The following EPHB1 variants were observed in gnomAD, a reference collection of about 807,000 sequenced individuals.
EPHB1 encodes ephrin type-B receptor 1.
EPHB1 carries 30 observed loss-of-function variants against 94.4 expected under a neutral mutation model. That is an observed-to-expected ratio of 0.32 (90% CI 0.24 to 0.43). The LOEUF (loss-of-function observed/expected upper bound fraction) is 0.43. Ranked by LOEUF, EPHB1 falls within the 20% of genes least tolerant of loss-of-function variation. The pLI is 1.00. For missense variants in EPHB1, 1,055 were observed against 1,308.3 expected, an observed-to-expected ratio of 0.81 and a Z score of 2.99; for synonymous variants, 522 against 489.1, an observed-to-expected ratio of 1.07 and a Z score of -0.89.
intron 4 of EPHB1, among the ~76,000 whole-genome samples, chr3:135,113,198 T>G (rs1939532343): frequency 6.6e-6 from 1 of 152,200 alleles, no homozygotes; most frequent in Admixed American, 6.5e-5. Flanking sequence ...TCTATACATC[T>G]GGATGCAAAA....
At chr3:134,835,833 T>A (rs2036665434) in intron 1 of EPHB1, among the ~76,000 whole-genome samples, 1 of 152,168 alleles carries the variant, frequency 6.6e-6, no homozygotes. Flanking sequence ...TGACCCCACA[T>A]TGTCATTTCC....
chr3:134,807,681 G>A (rs902471895), intron 1 of EPHB1, among the ~76,000 whole-genome samples: 2 of 152,100 alleles, frequency 1.3e-5, no homozygotes, highest in Admixed American at 1.3e-4. Flanking sequence ...CAAGGTCCCA[G>A]CAGAAAACAG....
chr3:135,061,986 C>T (rs929394834), intron 3 of EPHB1, among the ~76,000 whole-genome samples: 4 of 152,114 alleles, frequency 2.6e-5, no homozygotes, highest in African/African-American at 7.2e-5. Flanking sequence ...TTTTCTTAAC[C>T]CAGTCTATCA....
In EPHB1 at chr3:134,956,666, G is replaced by A. The variant is rs962190770; in HGVS notation, c.805+4614G>A. 5.9e-5 allele frequency among the ~76,000 whole-genome samples: 9 copies of A among 152,230 alleles called. No homozygotes were observed. The East Asian group carries it at 7.8e-4, about 13-fold the overall frequency. Reference sequence around the variant, plus strand: ...GCTGCAAACTTGCTACGTGGTTTTAGGTAAGTCCCTTTTCATTGACAGTCA... The same window carrying A: ...GCTGCAAACTTGCTACGTGGTTTTAAGTAAGTCCCTTTTCATTGACAGTCA... On this transcript the variant is annotated intron_variant, in intron 3 of 15. Coordinates refer to ENST00000398015, the MANE Select transcript of EPHB1 (RefSeq NM_004441.5).
intron 1 of EPHB1, among the ~76,000 whole-genome samples, chr3:134,840,219 T>C (rs2036751232): frequency 6.6e-6 from 1 of 152,174 alleles, no homozygotes; most frequent in Non-Finnish European, 1.5e-5. Context: ...GGGCTTTGCC[T>C]GTAGTAGACA....
intron 3 of EPHB1, among the ~76,000 whole-genome samples, chr3:135,079,337 C>G (rs1016160055): frequency 1.3e-5 from 2 of 152,158 alleles, no homozygotes; most frequent in Non-Finnish European, 2.9e-5. Context: ...TATGAGGAGA[C>G]TTCTGCCTTC....
At chr3:135,247,328 C>G (rs565546659) in intron 13 of EPHB1, among the ~76,000 whole-genome samples, 1 of 152,276 alleles carries the variant, frequency 6.6e-6, no homozygotes, top group African/African-American at 2.4e-5. Flanking sequence ...GCAGCCAGCT[C>G]TTTTACCTGT....
At chr3:134,876,381 A>G (rs2037617024) in intron 1 of EPHB1, among the ~76,000 whole-genome samples, 1 of 152,182 alleles carries the variant, frequency 6.6e-6, no homozygotes, top group Non-Finnish European at 1.5e-5. Context: ...TGGAAATTCA[A>G]CTCAAAACAG....
intron 1 of EPHB1, among the ~76,000 whole-genome samples, chr3:134,816,895 C>G (rs1323743240): frequency 1.3e-5 from 2 of 152,030 alleles, no homozygotes; most frequent in Non-Finnish European, 1.5e-5. Flanking sequence ...GGGGCACTCA[C>G]CCTCAGTGTG....
intron 1 of EPHB1, among the ~76,000 whole-genome samples, chr3:134,891,130 G>A (rs2037973880): frequency 2.0e-5 from 3 of 152,046 alleles, no homozygotes; most frequent in African/African-American, 7.2e-5. Context: ...TTTTAAGACA[G>A]GGTCTTACTG....
At chr3:134,858,200 C>A (rs2037166182) in intron 1 of EPHB1, among the ~76,000 whole-genome samples, 1 of 150,572 alleles carries the variant, frequency 6.6e-6, no homozygotes, top group African/African-American at 2.5e-5. Flanking sequence ...ATCATCATCT[C>A]TGTTATCTCC....
chr3:134,820,735 C>T (rs1405698222), intron 1 of EPHB1, among the ~76,000 whole-genome samples: 1 of 152,164 alleles, frequency 6.6e-6, no homozygotes, highest in Non-Finnish European at 1.5e-5. Context: ...TTTCTCTTTT[C>T]TTGGAACTCT....
chr3:135,114,116 A>G (rs1258888401), intron 4 of EPHB1, among the ~76,000 whole-genome samples: 1 of 152,198 alleles, frequency 6.6e-6, no homozygotes, highest in East Asian at 1.9e-4. Context: ...GGTCTCCCCT[A>G]TGTGCACTTA....
chr3:135,092,341 G>C (rs188321029), intron 3 of EPHB1, among the ~76,000 whole-genome samples: 2 of 152,154 alleles, frequency 1.3e-5, no homozygotes, highest in Non-Finnish European at 2.9e-5. Flanking sequence ...CAGGGGCCCC[G>C]TGAAGCATCT....
At chr3:134,966,504 A>G (rs1462313812) in intron 3 of EPHB1, among the ~76,000 whole-genome samples, 1 of 152,226 alleles carries the variant, frequency 6.6e-6, no homozygotes, top group African/African-American at 2.4e-5. Context: ...TACTCACTCA[A>G]TAGCCCAGTA....
intron 10 of EPHB1, among the ~76,000 whole-genome samples, chr3:135,184,930 T>C (rs1286550169): frequency 1.3e-5 from 2 of 152,216 alleles, no homozygotes; most frequent in Admixed American, 1.3e-4. Flanking sequence ...GCCCAGAACA[T>C]GAATCAGGGC....
intron 3 of EPHB1, among the ~76,000 whole-genome samples, chr3:134,952,341 A>ATC (rs1211406183): frequency 2.0e-5 from 3 of 148,762 alleles, no homozygotes; most frequent in African/African-American, 7.6e-5. Flanking sequence ...TGTTGAATTT[A>ATC]TCTCTCTCTC....
At chr3:134,804,828 G>T (rs1029419722) in intron 1 of EPHB1, among the ~76,000 whole-genome samples, 2 of 152,186 alleles carry the variant, frequency 1.3e-5, no homozygotes, top group East Asian at 1.9e-4. Flanking sequence ...CATGTGGGGG[G>T]ATGTTGAGGA....
chr3:135,081,891 A>G lies in EPHB1; in HGVS notation c.806-24557A>G, dbSNP rs951027269. ...CTCACCAATTTGCTGTGGGCAGAAAACACAGAGCTGCATAACTTCTGCAGG... is the reference window on the plus strand; with the variant it reads ...CTCACCAATTTGCTGTGGGCAGAAAGCACAGAGCTGCATAACTTCTGCAGG... On this transcript the variant is annotated intron_variant, in intron 3 of 15. Coordinates refer to ENST00000398015, the MANE Select transcript of EPHB1 (RefSeq NM_004441.5). Among the ~76,000 whole-genome samples the G allele has an allele frequency of 7.2e-5, 11 of 152,168 alleles. No homozygotes were observed. In the South Asian group the frequency reaches 8.3e-4, roughly 11 times the overall value.
Sources: allele counts gnomAD v4.1 joint callset (sites outside exome capture counted in the v4.1 genomes callset), GRCh38; gene constraint gnomAD v4.1.1; transcripts MANE v1.5; gene names NCBI Gene and HGNC (gene_info 2026-07-23, HGNC 2026-07-21).